The following COL22A1 variants were observed in gnomAD, a reference collection of about 807,000 sequenced individuals.
COL22A1 encodes collagen alpha-1(XXII) chain.
Under a neutral mutation model 248.9 loss-of-function variants are expected in COL22A1, and 221 were observed. The ratio of observed to expected loss-of-function variants is 0.89; its 90% CI spans 0.80 to 0.99. The LOEUF (loss-of-function observed/expected upper bound fraction) is 0.99, where lower values mean the gene tolerates loss of function less well. COL22A1 is among the 50% of genes least tolerant of loss of function. The pLI, the probability that COL22A1 is intolerant of heterozygous loss-of-function variation, is 0.00. For missense variants in COL22A1, 2,240 were observed against 2,179.0 expected (o/e 1.03, Z -0.56); for synonymous variants, 891 against 793.4 (o/e 1.12, Z -2.07).
chr8:138,629,587 C>T (rs947236713), intron 50 of COL22A1, among the ~76,000 whole-genome samples: 1 of 152,194 alleles, frequency 6.6e-6, no homozygotes, highest in African/African-American at 2.4e-5. Flanking sequence ...GACTCAACAT[C>T]CGTCTGGCTG....
At chr8:138,690,958 C>T (rs1826799888) in intron 35 of COL22A1, 84 bp from the exon 36 acceptor site, 1 of 1,081,498 alleles carries the variant, frequency 9.2e-7, no homozygotes, top group African/African-American at 1.6e-5. Flanking sequence ...CTGCCTCATA[C>T]TCAATTCACC....
At chr8:138,902,586 G>GT (rs1016854990) in intron 1 of COL22A1, among the ~76,000 whole-genome samples, 1 of 151,656 alleles carries the variant, frequency 6.6e-6, no homozygotes, top group African/African-American at 2.4e-5. Context: ...GGCGCCTGTA[G>GT]TCCCAGCTAC....
chr8:138,628,745 A>G (rs1820459567), intron 50 of COL22A1, among the ~76,000 whole-genome samples: 1 of 138,774 alleles, frequency 7.2e-6, no homozygotes, highest in South Asian at 2.5e-4. Context: ...GTAGTTTTAT[A>G]TCCTAGATCC....
chr8:138,859,472 T>G (rs942150811), intron 3 of COL22A1, among the ~76,000 whole-genome samples: 8 of 152,166 alleles, frequency 5.3e-5, no homozygotes, highest in African/African-American at 1.9e-4. Flanking sequence ...TGGGCACTGG[T>G]GCATCCCTGA....
At chr8:138,779,015 T>C (rs1361389045) in intron 14 of COL22A1, among the ~76,000 whole-genome samples, 1 of 152,232 alleles carries the variant, frequency 6.6e-6, no homozygotes, top group African/African-American at 2.4e-5. Flanking sequence ...TAATCTATCC[T>C]ACTGCAATAA....
chr8:138,828,903 C>T (rs956139258), intron 5 of COL22A1, among the ~76,000 whole-genome samples: 1 of 152,190 alleles, frequency 6.6e-6, no homozygotes, highest in African/African-American at 2.4e-5. Flanking sequence ...TGCACCTTAA[C>T]TGCAGAGCCA....
chr8:138,843,062 G>A (rs1357113050), intron 4 of COL22A1, among the ~76,000 whole-genome samples: 1 of 152,314 alleles, frequency 6.6e-6, no homozygotes, highest in East Asian at 1.9e-4. Flanking sequence ...CTAAGGAGCA[G>A]TAGAGCCGGG....
Position 138,826,711 on chromosome 8 carries a change from G to A in COL22A1, c.916C>T (p.Arg306Trp), listed in dbSNP as rs57718799. Residue 306 changes from arginine to tryptophan, a missense_variant, in exon 6 of 65, where the codon CGG becomes TGG. Coordinates refer to ENST00000303045, the MANE Select transcript of COL22A1 (RefSeq NM_152888.3). ...VTTFRFRKTS[R>W]KEDWYIWQVI... The stretch of plus-strand genomic sequence containing the variant: ...TGCCAGATATACCAGTCTTCCTTCC[G>A]AGAGGTTTTCCTGAACCGGAAGGTT... 5 of 1,613,894 alleles carry A rather than the reference G, an allele frequency of 3.1e-6. No individual in the cohort carries two copies. The highest frequency in any genetic ancestry group is 2.7e-5 in the African/African-American group (2 of 74,890).
intron 59 of COL22A1, among the ~76,000 whole-genome samples, chr8:138,604,289 G>A (rs1818264007): frequency 2.0e-5 from 3 of 152,180 alleles, no homozygotes; most frequent in African/African-American, 7.2e-5. Flanking sequence ...ATGCTCAGCA[G>A]ACCCTCTGTC....
At chr8:138,639,528 G>T (rs1054058024) in intron 47 of COL22A1, among the ~76,000 whole-genome samples, 1 of 152,130 alleles carries the variant, frequency 6.6e-6, no homozygotes. Flanking sequence ...CTTCAGAAGA[G>T]GTTTATTAAA....
At chr8:138,823,146 G>A (rs970215060) in intron 6 of COL22A1, among the ~76,000 whole-genome samples, 3 of 151,958 alleles carry the variant, frequency 2.0e-5, no homozygotes, top group Non-Finnish European at 4.4e-5. Flanking sequence ...TTGTAAAATG[G>A]GACCAATAGT....
At chr8:138,736,979 G>C (rs1157352370) in intron 23 of COL22A1, among the ~76,000 whole-genome samples, 2 of 152,102 alleles carry the variant, frequency 1.3e-5, no homozygotes, top group Admixed American at 6.5e-5. Context: ...TCTGGCCTCT[G>C]TGGCTGATCC....
At chr8:138,715,647 A>G (rs764574860) in intron 30 of COL22A1, 35 bp downstream of exon 30, 3 of 1,526,586 alleles carry the variant, frequency 2.0e-6, no homozygotes, top group Non-Finnish European at 2.7e-6. Context: ...AACTAATAAT[A>G]ATTGATGGTC....
chr8:138,605,572 C>T (rs1224314472), intron 58 of COL22A1, among the ~76,000 whole-genome samples: 2 of 152,100 alleles, frequency 1.3e-5, no homozygotes, highest in Non-Finnish European at 2.9e-5. Flanking sequence ...ACGGGCTGGG[C>T]TTGGCTGGCA....
At chr8:138,853,716 G>A (rs1821807769) in intron 3 of COL22A1, among the ~76,000 whole-genome samples, 1 of 152,150 alleles carries the variant, frequency 6.6e-6, no homozygotes, top group African/African-American at 2.4e-5. Context: ...AAAAGAAAAA[G>A]GAAAGACATG....
intron 39 of COL22A1, 102 bp downstream of exon 39, chr8:138,684,323 G>A: frequency 1.2e-6 from 1 of 806,150 alleles, no homozygotes; most frequent in South Asian, 1.3e-5. Flanking sequence ...GAGAAACATG[G>A]AAGTGGACTG....
At chr8:138,874,586 T>C (rs1823569997) in intron 3 of COL22A1, among the ~76,000 whole-genome samples, 1 of 152,138 alleles carries the variant, frequency 6.6e-6, no homozygotes, top group African/African-American at 2.4e-5. Flanking sequence ...TAATCTCTTC[T>C]CCTCCCCGGT....
chr8:138,815,384 C>T (rs1818596447), intron 7 of COL22A1, among the ~76,000 whole-genome samples: 1 of 152,176 alleles, frequency 6.6e-6, no homozygotes, highest in Non-Finnish European at 1.5e-5. Flanking sequence ...AAGCCGAACT[C>T]TTGCTAATGT....
chr8:138,836,732 T>G (rs997281622), intron 4 of COL22A1, among the ~76,000 whole-genome samples: 3 of 152,210 alleles, frequency 2.0e-5, no homozygotes, highest in African/African-American at 7.2e-5. Flanking sequence ...AAACTGTTGA[T>G]CATATTTCCC....
Sources: allele counts gnomAD v4.1 joint callset (sites outside exome capture counted in the v4.1 genomes callset), GRCh38; gene constraint gnomAD v4.1.1; transcripts MANE v1.5; gene names NCBI Gene and HGNC (gene_info 2026-07-23, HGNC 2026-07-21).